Variants in TAOK1 observed in about 807,000 individuals in gnomAD.
The protein encoded by TAOK1 is TAO kinase 1.
In TAOK1, 21 loss-of-function variants were observed where a neutral mutation model predicts 138.3. The ratio of observed to expected loss-of-function variants is 0.15; its 90% CI spans 0.11 to 0.22. The LOEUF is 0.22. Ranked by LOEUF, TAOK1 falls within the 10% of genes least tolerant of loss-of-function variation. The pLI, the probability that TAOK1 is intolerant of heterozygous loss-of-function variation, is 1.00. For missense variants in TAOK1, 651 were observed against 1,227.7 expected, an observed-to-expected ratio of 0.53 and a Z score of 7.02; for synonymous variants, 361 against 398.4, an observed-to-expected ratio of 0.91 and a Z score of 1.12.
intron 2 of TAOK1, among the ~76,000 whole-genome samples, chr17:29,463,566 A>T (rs1369861695): frequency 7.1e-6 from 1 of 139,936 alleles, no homozygotes; most frequent in African/African-American, 2.8e-5. Flanking sequence ...GCAAGACTCC[A>T]TCTCAAAAAA....
chr17:29,493,918 AT>A (rs1050483483), intron 10 of TAOK1, among the ~76,000 whole-genome samples: 6 of 149,108 alleles, frequency 4.0e-5, no homozygotes, highest in East Asian at 2.0e-4. Context: ...AATAATAATT[AT>A]TTTTTTTTTG....
At chr17:29,408,726 T>C (rs549875587) in intron 1 of TAOK1, among the ~76,000 whole-genome samples, 10 of 152,116 alleles carry the variant, frequency 6.6e-5, no homozygotes, top group Non-Finnish European at 1.3e-4. Context: ...TTTTTTATTT[T>C]TTTGGAGATG....
intron 13 of TAOK1, among the ~76,000 whole-genome samples, chr17:29,503,678 A>G (rs977855541): frequency 1.3e-5 from 2 of 152,110 alleles, no homozygotes; most frequent in African/African-American, 4.8e-5. Flanking sequence ...AGGCTATTAG[A>G]AAACATAATG....
At chr17:29,509,937 G>C (rs1253872757) in intron 14 of TAOK1, among the ~76,000 whole-genome samples, 1 of 150,090 alleles carries the variant, frequency 6.7e-6, no homozygotes, top group Non-Finnish European at 1.5e-5. Context: ...AGCTGGTCTT[G>C]AACTCCTGGG....
chr17:29,425,195 C>T (rs1024592277), intron 1 of TAOK1, among the ~76,000 whole-genome samples: 1 of 152,088 alleles, frequency 6.6e-6, no homozygotes, highest in Non-Finnish European at 1.5e-5. Context: ...TCAGCTTTCC[C>T]AGTAGCTGGG....
intron 17 of TAOK1, 99 bp downstream of exon 17, chr17:29,522,618 T>G: frequency 1.3e-6 from 2 of 1,485,868 alleles, no homozygotes; most frequent in South Asian, 2.7e-5. Context: ...ATAAAGAAAT[T>G]GACTAAGCTT....
chr17:29,397,127 TCTACTAA>T (rs1904632923), intron 1 of TAOK1, among the ~76,000 whole-genome samples: 1 of 147,348 alleles, frequency 6.8e-6, no homozygotes, highest in Non-Finnish European at 1.5e-5. Flanking sequence ...AAACCTCGTC[TCTACTAA>T]AAATACAAAA....
intron 13 of TAOK1, among the ~76,000 whole-genome samples, chr17:29,503,352 C>T (rs1027804072): frequency 1.4e-4 from 20 of 139,518 alleles, no homozygotes; most frequent in African/African-American, 5.2e-4. Context: ...GCAGAGATCA[C>T]ACCACTGCAC....
At chr17:29,521,613 C>T (rs1306029531) in intron 16 of TAOK1, among the ~76,000 whole-genome samples, 11 of 152,166 alleles carry the variant, frequency 7.2e-5, no homozygotes, top group East Asian at 1.9e-4. Context: ...GAGGGAGTCT[C>T]GCTCTGTCGC....
intron 14 of TAOK1, 92 bp from the exon 15 acceptor site, chr17:29,510,772 C>A: frequency 1.1e-6 from 1 of 934,484 alleles, no homozygotes; most frequent in Non-Finnish European, 1.5e-6. Context: ...ATTTCTTGTT[C>A]TTAGAAAATA....
intron 6 of TAOK1, among the ~76,000 whole-genome samples, chr17:29,479,453 TAG>T (rs1029178244): frequency 6.6e-6 from 1 of 152,056 alleles, no homozygotes; most frequent in African/African-American, 2.4e-5. Flanking sequence ...AACTATATAA[TAG>T]AGTCATTGTG....
intron 6 of TAOK1, 31 bp from the exon 7 acceptor site, chr17:29,480,337 T>A (rs2031034743): frequency 6.7e-7 from 1 of 1,503,114 alleles, no homozygotes; most frequent in Non-Finnish European, 9.2e-7. Flanking sequence ...TGAGGGAAAG[T>A]TAAGTAATTT....
intron 1 of TAOK1, among the ~76,000 whole-genome samples, chr17:29,412,075 C>T (rs1261643849): frequency 6.6e-6 from 1 of 151,106 alleles, no homozygotes; most frequent in African/African-American, 2.5e-5. Context: ...CAGGATCTCA[C>T]TCTGTCACCC....
Position 29,491,641 on chromosome 17 carries a change from T to G in TAOK1, c.750-143T>G, listed in dbSNP as rs1298569059. On this transcript the variant is annotated intron_variant, in intron 9 of 19. Transcript: ENST00000261716. The stretch of plus-strand genomic sequence containing the variant: ...TTGCTTTAGATAGATCTTCATAGAC[T>G]TATATGAAACTGTATAGTCTCTGCT... The G allele has an allele frequency of 8.4e-6, 5 of 593,776 alleles. No homozygotes were observed. In the East Asian group the frequency reaches 1.3e-4, roughly 16 times the overall value. 36.8% of individuals were successfully genotyped at this position (593,776 alleles called of 1,614,324 possible).
rs1006868205 is a variant in TAOK1 at position 29,549,724 on chromosome 17, C to T, written c.*6702C>T. 1 of 152,120 alleles carries T rather than the reference C, an allele frequency of 6.6e-6. No homozygotes were observed. The highest frequency in any genetic ancestry group is 1.5e-5 in the Non-Finnish European group (1 of 68,022). 9.4% of individuals were successfully genotyped at this position (152,120 alleles called of 1,614,324 possible). ...ACCCTTCCAACACTTTTTCCTTTGT[C>T]ATAGACAAGTTTATATATAACTTAC... On this transcript the variant is annotated 3_prime_UTR_variant, in exon 20 of 20. Coordinates refer to ENST00000261716, the MANE Select transcript of TAOK1 (RefSeq NM_020791.4).
At chr17:29,422,808 G>A (rs913532044) in intron 1 of TAOK1, among the ~76,000 whole-genome samples, 6 of 152,286 alleles carry the variant, frequency 3.9e-5, no homozygotes, top group African/African-American at 1.2e-4. Flanking sequence ...GGTGAATCAC[G>A]AGGTCAGGAG....
At position 29,400,159 on chromosome 17, in the gene TAOK1, C is replaced by T. The variant is rs548204841; in HGVS notation, c.-95+9135C>T. Among the ~76,000 whole-genome samples the T allele has an allele frequency of 9.2e-5, 14 of 151,990 alleles. No homozygotes were observed. In the East Asian group the frequency reaches 1.9e-3, roughly 21 times the overall value. ...CTGTAATCTCAGCACTTTGGGAGGC[C>T]GAGGTGGGTGGATTGCTTGAGGTCA... On this transcript the variant is annotated intron_variant, in intron 1 of 19. Coordinates refer to ENST00000261716, the MANE Select transcript of TAOK1 (RefSeq NM_020791.4).
intron 1 of TAOK1, among the ~76,000 whole-genome samples, chr17:29,417,305 G>A (rs1300020559): frequency 2.0e-5 from 3 of 152,132 alleles, no homozygotes; most frequent in South Asian, 4.1e-4. Context: ...GTGAGCCACC[G>A]CGCCCAGCCC....
intron 11 of TAOK1, among the ~76,000 whole-genome samples, chr17:29,497,467 A>G (rs949660646): frequency 6.6e-6 from 1 of 152,150 alleles, no homozygotes; most frequent in African/African-American, 2.4e-5. Context: ...AAAAGTCCCT[A>G]TCTATATATG....
Sources: allele counts gnomAD v4.1 joint callset (sites outside exome capture counted in the v4.1 genomes callset), GRCh38; gene constraint gnomAD v4.1.1; transcripts MANE v1.5; gene names NCBI Gene and HGNC (gene_info 2026-07-23, HGNC 2026-07-21).